Variants in KCNAB2 observed in about 807,000 individuals in gnomAD.
KCNAB2 encodes potassium voltage-gated channel subfamily A regulatory beta subunit 2.
Under a neutral mutation model 63.6 loss-of-function variants are expected in KCNAB2, and 29 were observed. The observed-to-expected ratio is 0.46, with a 90% CI of 0.34 to 0.62. The LOEUF is 0.62. Ranked by LOEUF, KCNAB2 falls within the 20% of genes least tolerant of loss-of-function variation. KCNAB2 has a pLI of 0.01. For synonymous variants in KCNAB2, 222 were observed against 224.2 expected (o/e 0.99, Z 0.09); for missense variants, 359 against 563.9 (o/e 0.64, Z 3.68).
intron 1 of KCNAB2, 80 bp from the exon 2 acceptor site, chr1:6,051,430 GC>G: frequency 4.3e-6 from 6 of 1,399,148 alleles, no homozygotes; most frequent in Non-Finnish European, 4.6e-6. Context: ...CGCTGCAGCT[GC>G]CCCCTGCCCC....
intron 4 of KCNAB2, among the ~76,000 whole-genome samples, chr1:6,080,513 C>T (rs1557493700): frequency 6.6e-6 from 1 of 152,162 alleles, no homozygotes; most frequent in Non-Finnish European, 1.5e-5. Context: ...TCCTGAAAAC[C>T]GACGGCCTCC....
At chr1:6,040,245 G>T (rs907899348) in intron 1 of KCNAB2, among the ~76,000 whole-genome samples, 2 of 152,308 alleles carry the variant, frequency 1.3e-5, no homozygotes, top group South Asian at 4.1e-4. Flanking sequence ...GGACCTCCAC[G>T]ACATATAAGG....
At chr1:6,082,905 G>A (rs779434421) in intron 5 of KCNAB2, among the ~76,000 whole-genome samples, 3 of 152,148 alleles carry the variant, frequency 2.0e-5, no homozygotes, top group East Asian at 1.9e-4. Flanking sequence ...CCCGTCAGCC[G>A]GGCAGGCTGC....
At chr1:6,044,912 C>T (rs1161319576), upstream of KCNAB2, among the ~76,000 whole-genome samples, 1 of 152,136 alleles carries the variant, frequency 6.6e-6, no homozygotes, top group Non-Finnish European at 1.5e-5. Context: ...CAGAGAGGAG[C>T]AGTGGACCCA....
chr1:6,064,298 G>A (rs189836922), intron 2 of KCNAB2, among the ~76,000 whole-genome samples: 61 of 152,374 alleles, frequency 4.0e-4, no homozygotes, highest in Admixed American at 1.4e-3. Context: ...GACATGATCA[G>A]ATGTTGAACA....
chr1:6,070,871 G>A (rs572624388), intron 2 of KCNAB2, among the ~76,000 whole-genome samples: 1 of 152,328 alleles, frequency 6.6e-6, no homozygotes, highest in East Asian at 1.9e-4. Flanking sequence ...GCCACCCGGT[G>A]CGCCCCTTTC....
upstream of KCNAB2, among the ~76,000 whole-genome samples, chr1:6,030,722 ATGTTTATGTG>A (rs1388942974): frequency 5.5e-5 from 8 of 144,226 alleles, no homozygotes; most frequent in Non-Finnish European, 9.1e-5. Context: ...AGGTATGTGT[ATGTTTATGTG>A]TGTTTATGTG....
chr1:6,060,953 G>A (rs1308135520), intron 2 of KCNAB2, among the ~76,000 whole-genome samples: 1 of 149,634 alleles, frequency 6.7e-6, no homozygotes, highest in African/African-American at 2.5e-5. Context: ...CAGACCTTGA[G>A]CCCTCCACAG....
intron 6 of KCNAB2, chr1:6,085,726 C>A: frequency 1.6e-6 from 1 of 625,182 alleles, no homozygotes; most frequent in Non-Finnish European, 2.0e-6. Context: ...TCCCACCCTG[C>A]ACCTTGTCCA....
At chr1:6,013,934 A>G (rs1658338049) in intron 1 of KCNAB2, among the ~76,000 whole-genome samples, 1 of 152,086 alleles carries the variant, frequency 6.6e-6, no homozygotes, top group Non-Finnish European at 1.5e-5. Context: ...ATAGAACAAG[A>G]CTGTGCTTTA....
chr1:6,073,766 A>G lies in KCNAB2; in HGVS notation c.296A>G (p.Asp99Gly), dbSNP rs767743946. ...GTGACCTTCGGAGGCCAGATCACCG[A>G]TGAGGTAAGATGGGGCTCTCCCAGC... ...TWVTFGGQIT[D>G]EMAEQLMTLA... Residue 99 changes from aspartate to glycine, a missense_variant, in exon 4 of 16, where the codon GAT becomes GGT. Around this residue, in one of 2 missense-constraint regions of KCNAB2, gnomAD observed 271 missense variants for 476.1 expected, o/e 0.57. Transcript: ENST00000378083. The surrounding 1 kb of genome is among the most constrained non-coding windows in gnomAD (Gnocchi z 5.7). The G allele has an allele frequency of 9.3e-6, 15 of 1,613,986 alleles. No homozygotes were observed. The highest frequency in any genetic ancestry group is 2.5e-6 in the Non-Finnish European group (3 of 1,179,986).
chr1:6,094,601 C>A, intron 11 of KCNAB2, 116 bp downstream of exon 11: 4 of 785,592 alleles, frequency 5.1e-6, no homozygotes, highest in Middle Eastern at 3.5e-4. Flanking sequence ...GCACCGATGC[C>A]TGGGTGCTAA....
intron 1 of KCNAB2, among the ~76,000 whole-genome samples, chr1:6,008,081 C>T (rs552618740): frequency 1.5e-4 from 23 of 152,206 alleles, no homozygotes; most frequent in Non-Finnish European, 2.2e-4. Context: ...GGCATCCCCT[C>T]ACCTGCACCA....
chr1:6,068,991 G>A (rs1662977074), intron 2 of KCNAB2, among the ~76,000 whole-genome samples: 2 of 152,170 alleles, frequency 1.3e-5, no homozygotes, highest in African/African-American at 4.8e-5. Flanking sequence ...GCCAGCACTT[G>A]GTCCCGAGAG....
intron 1 of KCNAB2, among the ~76,000 whole-genome samples, chr1:6,039,340 A>G (rs1660310621): frequency 6.6e-6 from 1 of 152,166 alleles, no homozygotes; most frequent in African/African-American, 2.4e-5. Flanking sequence ...TGGAAATAGA[A>G]GCCCCCAACC....
rs1319229483 is a variant in KCNAB2, at chr1:6,008,728, A to G, written c.-53+15940A>G. Among the ~76,000 whole-genome samples the G allele has an allele frequency of 3.3e-5, 5 of 152,176 alleles. No individual in the cohort carries two copies. The East Asian group carries it at 9.7e-4, about 29-fold the overall frequency. On this transcript the variant is annotated intron_variant, in intron 1 of 16. Transcript: ENST00000341524. Reference sequence around the variant, plus strand: ...ATGAAAACAAGGCTGTGATCAGGGAAGTGGCTGAGGGAGTGAGGCCCCCGA... The same window carrying G: ...ATGAAAACAAGGCTGTGATCAGGGAGGTGGCTGAGGGAGTGAGGCCCCCGA...
In KCNAB2 at chr1:6,098,660, A is replaced by G. The variant is rs1008667376; in HGVS notation, c.*86A>G. Reference sequence around the variant, plus strand: ...TAAGCTGTTTTGAAGCCAAGTGAAGAGTGTGGTTTGCATCCAAGAGAAAAC... The same window carrying G: ...TAAGCTGTTTTGAAGCCAAGTGAAGGGTGTGGTTTGCATCCAAGAGAAAAC... On this transcript the variant is annotated 3_prime_UTR_variant, in exon 16 of 16. Transcript: ENST00000378083. 1.3e-6 allele frequency: 2 copies of G among 1,513,792 alleles called. No individual in the cohort carries two copies. The highest frequency in any genetic ancestry group is 1.8e-6 in the Non-Finnish European group (2 of 1,113,924). The allele number at this position is 1,513,792 out of a possible 1,614,324, so 93.8% of individuals were successfully genotyped here. A position where few individuals can be genotyped will look rare whatever the true frequency, so the allele number is the denominator to read the frequency against.
chr1:6,012,736 TG>T, intron 1 of KCNAB2, among the ~76,000 whole-genome samples: 1 of 147,896 alleles, frequency 6.8e-6, no homozygotes, highest in Middle Eastern at 3.5e-3. Flanking sequence ...GTGGAGGTGA[TG>T]GGGGAGGAGG....
intron 1 of KCNAB2, chr1:6,018,726 G>A (rs1658656379): frequency 6.6e-6 from 1 of 152,228 alleles, no homozygotes; most frequent in Non-Finnish European, 1.5e-5. Flanking sequence ...AAGGAATTCT[G>A]TCTGCAAGAG....
Sources: gnomAD v4.1 joint callset for allele counts (sites outside exome capture counted in the v4.1 genomes callset) on GRCh38, gnomAD v4.1.1 for gene constraint, gnomAD v4.1.1 regional missense constraint, Gnocchi (gnomAD v3.1) non-coding constraint, MANE v1.5 for transcripts, NCBI Gene and HGNC (gene_info 2026-07-23, HGNC 2026-07-21) for gene names.